SLC28A3: variants seen among roughly 807,000 people sequenced by gnomAD.
SLC28A3 encodes the protein solute carrier family 28 member 3.
A neutral mutation model predicts 84.2 loss-of-function variants in SLC28A3; 68 were observed. The observed-to-expected ratio is 0.81, with a 90% CI of 0.66 to 0.99. The LOEUF (loss-of-function observed/expected upper bound fraction) is 0.99, where lower values mean the gene tolerates loss of function less well. SLC28A3 is among the 50% of genes least tolerant of loss of function. SLC28A3 has a pLI of 0.00. For missense variants in SLC28A3, 712 were observed against 841.5 expected (o/e 0.85, Z 1.90); for synonymous variants, 267 against 303.6 (o/e 0.88, Z 1.25).
In SLC28A3 at chr9:84,276,882, G is replaced by GTGTC. The variant is rs1228872159; in HGVS notation, c.*1332_*1335dup. 1.3e-5 allele frequency: 2 copies of GTGTC among 152,182 alleles called. No individual in the cohort carries two copies. The highest frequency in any genetic ancestry group is 2.9e-5 in the Non-Finnish European group (2 of 68,048). The allele number at this position is 152,182 out of a possible 1,614,324, so 9.4% of individuals were successfully genotyped here. ...TATTTCAAAACCTTTTTCACATTCA[G>GTGTC]TGTCTGTTTCTTGACTTGGTAATTG... On this transcript the variant is annotated 3_prime_UTR_variant, in exon 18 of 18. Transcript: ENST00000376238.
At chr9:84,349,778 G>A in the SLC28A3 span, among the ~76,000 whole-genome samples, 1 of 152,212 alleles carries the variant, frequency 6.6e-6, no homozygotes, top group Non-Finnish European at 1.5e-5. Flanking sequence ...TGGGTTATAG[G>A]AATGGCAGAA....
intron 5 of SLC28A3, among the ~76,000 whole-genome samples, chr9:84,300,602 T>C (rs943971542): frequency 6.6e-6 from 1 of 152,102 alleles, no homozygotes; most frequent in Non-Finnish European, 1.5e-5. Flanking sequence ...GCCAAGGATG[T>C]GTGAATTTTC....
intron 1 of SLC28A3, among the ~76,000 whole-genome samples, chr9:84,321,353 A>G (rs1449635363): frequency 6.6e-6 from 1 of 152,052 alleles, no homozygotes; most frequent in Non-Finnish European, 1.5e-5. Context: ...TTTTGTTTAT[A>G]AAAATGCTTT....
At chr9:84,282,034 C>T (rs1440487076) in intron 14 of SLC28A3, among the ~76,000 whole-genome samples, 4 of 152,066 alleles carry the variant, frequency 2.6e-5, no homozygotes, top group Non-Finnish European at 5.9e-5. Context: ...CCCAGCTACT[C>T]GGGAGGCTGA....
intron 8 of SLC28A3, 46 bp downstream of exon 8, chr9:84,297,175 G>C: frequency 6.6e-7 from 1 of 1,522,626 alleles, no homozygotes; most frequent in Non-Finnish European, 9.0e-7. Context: ...AAAGACAGAA[G>C]CCGCTGAAAT....
At chr9:84,279,756 C>T (rs1336546080) in intron 16 of SLC28A3, among the ~76,000 whole-genome samples, 1 of 152,214 alleles carries the variant, frequency 6.6e-6, no homozygotes, top group South Asian at 2.1e-4. Context: ...CACCCGGCCC[C>T]ATTTATTTTA....
the SLC28A3 span, among the ~76,000 whole-genome samples, chr9:84,346,502 T>C: frequency 6.6e-6 from 1 of 152,194 alleles, no homozygotes; most frequent in East Asian, 1.9e-4. Context: ...GAACATTTCA[T>C]GTAGTGCAGA....
In SLC28A3 at chr9:84,299,581, T is replaced by G. The variant is rs776134016; in HGVS notation, c.669A>C (p.Arg223Ser). The stretch of plus-strand genomic sequence containing the variant: ...CCTAAAAGATCAACTGGATACTTAC[T>G]CTGGTTGGGTACTTGGAAAATAGAA... Reference protein sequence around the residue: ...LLFLFSKYPTRVYWRPVLWGI... With the variant: ...LLFLFSKYPTSVYWRPVLWGI... The change falls in exon 6 of 18, where the codon AGA (arginine) becomes AGC (serine). Residue 223 changes from arginine to serine, a missense_variant and splice_region_variant. Physicochemically the swap from Arg to Ser is moderately radical, Grantham distance 110. Transcript: ENST00000376238. 1.3e-5 allele frequency: 21 copies of G among 1,613,754 alleles called. No homozygotes were observed. In the East Asian group the frequency reaches 4.7e-4, roughly 36 times the overall value.
intron 1 of SLC28A3, among the ~76,000 whole-genome samples, chr9:84,333,393 C>T (rs1826859778): frequency 6.6e-6 from 1 of 152,128 alleles, no homozygotes; most frequent in Admixed American, 6.6e-5. Context: ...GTATGCGTGA[C>T]CCAGTTCCCA....
At position 84,279,344 on chromosome 9, in the gene SLC28A3, C is replaced by T. The variant is rs367901217; in HGVS notation, c.1870G>A (p.Val624Ile). The change falls in exon 17 of 18, where the codon GTT becomes ATT. Residue 624 changes from valine (V) to isoleucine (I), a missense_variant. Physicochemically the swap from Val to Ile is conservative, Grantham distance 29. Coordinates refer to ENST00000376238, the MANE Select transcript of SLC28A3 (RefSeq NM_001199633.2). ...STPVDINCHH[V>I]LENAFNSTFP... ...GTGGAGTTGAAGGCATTCTCTAAAACGTGATGGCAGTTGATGTCCACAGGA... is the reference window on the plus strand; with the variant it reads ...GTGGAGTTGAAGGCATTCTCTAAAATGTGATGGCAGTTGATGTCCACAGGA... 36 of 1,612,944 alleles carry T rather than the reference C, an allele frequency of 2.2e-5. No homozygotes were observed. The highest frequency in any genetic ancestry group is 4.5e-5 in the East Asian group (2 of 44,858).
Position 84,288,055 on chromosome 9 carries a change from C to G in SLC28A3, c.1273G>C (p.Glu425Gln). Residue 425 changes from glutamate (E) to glutamine (Q), a missense_variant, in exon 12 of 18, where the codon GAA becomes CAA. Coordinates refer to ENST00000376238, the MANE Select transcript of SLC28A3 (RefSeq NM_001199633.2). The stretch of plus-strand genomic sequence containing the variant: ...TGAATGTGTCACACTTACCCACTTT[C>G]CATTTTCATGGCATTCTTGAGGGTT... Reference protein sequence around the residue: ...KITLKNAMKMESGDSGNLLEA... With the variant: ...KITLKNAMKMQSGDSGNLLEA... 6.2e-7 allele frequency: 1 copy of G among 1,613,926 alleles called. No homozygotes were observed. The highest frequency in any genetic ancestry group is 2.2e-5 in the East Asian group (1 of 44,874).
chr9:84,332,703 T>C (rs1826835829), intron 1 of SLC28A3, among the ~76,000 whole-genome samples: 1 of 152,146 alleles, frequency 6.6e-6, no homozygotes, highest in Non-Finnish European at 1.5e-5. Context: ...AAAACAATTT[T>C]ATCTTAATAA....
chr9:84,337,413 GA>G (rs1468526926), intron 1 of SLC28A3, among the ~76,000 whole-genome samples: 1 of 151,088 alleles, frequency 6.6e-6, no homozygotes, highest in Non-Finnish European at 1.5e-5. Context: ...TTAGAACCTT[GA>G]GGCCTGGGGA....
At chr9:84,283,058 G>A (rs907382780) in intron 14 of SLC28A3, among the ~76,000 whole-genome samples, 2 of 152,206 alleles carry the variant, frequency 1.3e-5, no homozygotes, top group Non-Finnish European at 2.9e-5. Flanking sequence ...TTCAAAACCA[G>A]GCATGCTTAT....
At chr9:84,316,955 C>T (rs186420868) in intron 1 of SLC28A3, among the ~76,000 whole-genome samples, 3 of 152,092 alleles carry the variant, frequency 2.0e-5, no homozygotes, top group East Asian at 1.9e-4. Context: ...GAGCCAAGAT[C>T]GTACCAGTGC....
chr9:84,344,107 T>A (rs55675188), upstream of SLC28A3, among the ~76,000 whole-genome samples: 82 of 152,242 alleles, frequency 5.4e-4, 1 homozygote, highest in African/African-American at 1.9e-3. Context: ...GCTCTGATTT[T>A]TTTTTTATCT....
chr9:84,323,448 G>A (rs980413925), intron 1 of SLC28A3, among the ~76,000 whole-genome samples: 13 of 139,552 alleles, frequency 9.3e-5, no homozygotes, highest in African/African-American at 1.7e-4. Context: ...TTTTTGAGAC[G>A]GAGTCTTGCT....
chr9:84,302,102 C>A, intron 5 of SLC28A3, 98 bp downstream of exon 5: 1 of 1,153,252 alleles, frequency 8.7e-7, no homozygotes. Flanking sequence ...CTTCCATATC[C>A]CATAAATGAG....
chr9:84,297,885 G>T (rs193109051), intron 7 of SLC28A3, 21 bp downstream of exon 7: 23 of 1,577,300 alleles, frequency 1.5e-5, no homozygotes, highest in Non-Finnish European at 1.9e-5. Context: ...AAAGCAAAGT[G>T]TTCTTTTGAA....
Sources: allele counts gnomAD v4.1 joint callset (sites outside exome capture counted in the v4.1 genomes callset), GRCh38; gene constraint gnomAD v4.1.1; transcripts MANE v1.5; gene names NCBI Gene and HGNC (gene_info 2026-07-23, HGNC 2026-07-21).